STK3: variants seen among roughly 807,000 people sequenced by gnomAD.
The protein encoded by STK3 is serine/threonine kinase 3.
In STK3, 41 loss-of-function variants were observed where a neutral mutation model predicts 58.0. That is an observed-to-expected ratio of 0.71 (90% CI 0.55 to 0.92). The LOEUF is 0.92. Among genes scored for constraint, STK3 ranks in the 40% least tolerant of loss-of-function variants. The probability of loss-of-function intolerance (pLI) is 0.00; values close to 1 mark genes in which losing one functional copy is unlikely to be tolerated. For synonymous variants in STK3, 170 were observed against 191.0 expected (o/e 0.89, Z 0.91); for missense variants, 479 against 602.7 (o/e 0.79, Z 2.15).
At chr8:98,479,184 G>A (rs1001566586) in intron 10 of STK3, among the ~76,000 whole-genome samples, 2 of 152,108 alleles carry the variant, frequency 1.3e-5, no homozygotes, top group Non-Finnish European at 2.9e-5. Flanking sequence ...AAACTTGACA[G>A]GCAGTTAAAA....
chr8:98,939,918 G>T (rs1030071785), intron 1 of STK3, among the ~76,000 whole-genome samples: 1 of 152,212 alleles, frequency 6.6e-6, no homozygotes, highest in Admixed American at 6.5e-5. Flanking sequence ...CCTTCACTGC[G>T]ATGTCATCGG....
At chr8:98,730,715 C>CAAAAAAAA (rs36085293) in intron 4 of STK3, among the ~76,000 whole-genome samples, 25 of 66,382 alleles carry the variant, frequency 3.8e-4, no homozygotes, top group South Asian at 1.4e-3. Flanking sequence ...GACTCCGTCT[C>CAAAAAAAA]AAAAAAAAAA....
chr8:98,842,602 TGGG>T (rs1044602998), intron 3 of STK3, among the ~76,000 whole-genome samples: 16 of 152,286 alleles, frequency 1.1e-4, no homozygotes, highest in African/African-American at 3.4e-4. Flanking sequence ...CACTTGAGCC[TGGG>T]AGGTTGAGGC....
chr8:98,439,812 G>A (rs144812965), intron 1 of STK3, among the ~76,000 whole-genome samples: 1 of 152,328 alleles, frequency 6.6e-6, no homozygotes, highest in African/African-American at 2.4e-5. Flanking sequence ...TCAGCACAAT[G>A]AAGTCTGCAT....
chr8:98,632,709 ATTATT>A, intron 6 of STK3, among the ~76,000 whole-genome samples: 1 of 152,218 alleles, frequency 6.6e-6, no homozygotes, highest in African/African-American at 2.4e-5. Context: ...TATAAAATGA[ATTATT>A]TTAAATAATA....
chr8:98,584,362 T>C (rs1814269267), intron 7 of STK3, among the ~76,000 whole-genome samples: 1 of 151,892 alleles, frequency 6.6e-6, no homozygotes. Flanking sequence ...GGTTTTTTGT[T>C]CTTGCGATAG....
intron 1 of STK3, among the ~76,000 whole-genome samples, chr8:98,790,189 C>A (rs1469694042): frequency 6.6e-6 from 1 of 152,092 alleles, no homozygotes; most frequent in East Asian, 1.9e-4. Flanking sequence ...GCCAGTATCA[C>A]CCTAATACCA....
chr8:98,805,323 T>A (rs986745591), intron 1 of STK3, among the ~76,000 whole-genome samples: 1 of 152,172 alleles, frequency 6.6e-6, no homozygotes, highest in Admixed American at 6.5e-5. Context: ...CTCACGCCTG[T>A]AATCCCAGCA....
chr8:98,494,436 T>A (rs182768688), intron 10 of STK3, among the ~76,000 whole-genome samples: 2 of 152,276 alleles, frequency 1.3e-5, no homozygotes, highest in Admixed American at 1.3e-4. Context: ...AATGATCTTA[T>A]TGCATTATAA....
intron 3 of STK3, among the ~76,000 whole-genome samples, chr8:98,415,337 T>G (rs1479828302): frequency 6.6e-6 from 1 of 152,234 alleles, no homozygotes; most frequent in Non-Finnish European, 1.5e-5. Flanking sequence ...ACAGACTCTA[T>G]GTGAATAAGA....
intron 6 of STK3, among the ~76,000 whole-genome samples, chr8:98,622,626 T>C (rs1265926138): frequency 6.6e-6 from 1 of 152,218 alleles, no homozygotes; most frequent in Non-Finnish European, 1.5e-5. Flanking sequence ...TAGATTTCTG[T>C]AACTTGGCAG....
chr8:98,534,441 A>G lies in STK3; in HGVS notation c.1142-7524T>C, dbSNP rs1012920189. Among the ~76,000 whole-genome samples the G allele has an allele frequency of 7.9e-5, 12 of 152,362 alleles. No homozygotes were observed. In the East Asian group the frequency reaches 2.3e-3, roughly 29 times the overall value. On this transcript the variant is annotated intron_variant, in intron 9 of 10. Transcript: ENST00000419617. ...CATGAAAACAGCCAAAGCTGCCTTT[A>G]GATTTCCTGTCATAACAGACTTTAC...
At chr8:98,442,625 G>A (rs1269546209) in intron 1 of STK3, among the ~76,000 whole-genome samples, 2 of 152,164 alleles carry the variant, frequency 1.3e-5, no homozygotes, top group African/African-American at 2.4e-5. Flanking sequence ...TCAGTGTTGC[G>A]GCTTAGCAGC....
chr8:98,892,903 T>G (rs540216187), intron 1 of STK3, among the ~76,000 whole-genome samples: 4 of 152,264 alleles, frequency 2.6e-5, no homozygotes, highest in Non-Finnish European at 5.9e-5. Flanking sequence ...AATTCACACT[T>G]CAGTGTGATT....
intron 1 of STK3, among the ~76,000 whole-genome samples, chr8:98,799,656 A>G (rs1833390619): frequency 6.6e-6 from 1 of 152,036 alleles, no homozygotes; most frequent in Admixed American, 6.5e-5. Flanking sequence ...AGGAAATCAG[A>G]CCCTATCAGT....
chr8:98,484,679 T>C lies in STK3; in HGVS notation c.1318-28679A>G, dbSNP rs1436480921. Among the ~76,000 whole-genome samples, 3 of 152,114 alleles carry C rather than the reference T, an allele frequency of 2.0e-5. No individual in the cohort carries two copies. In the East Asian group the frequency reaches 5.8e-4, roughly 29 times the overall value. On this transcript the variant is annotated intron_variant, in intron 10 of 10. Coordinates refer to ENST00000419617, the MANE Select transcript of STK3 (RefSeq NM_006281.4). ...AAAAAGAAAAGAAAAAAAGTAAATA[T>C]AAAGAAAACACTGGAACTAGATTTT...
In STK3 at chr8:98,774,718, TTTCATAC is replaced by T. The variant is rs770172127; in HGVS notation, c.107+14_107+20del. ...AATTGTTCTGAAATTATTTACATGC[TTTCATAC>T]TTTTTGTACTTACCCTTCTCCAAGC... On this transcript the variant is annotated intron_variant, in intron 2 of 10. Coordinates refer to ENST00000419617, the MANE Select transcript of STK3 (RefSeq NM_006281.4). 1.1e-5 allele frequency: 17 copies of T among 1,512,170 alleles called. No homozygotes were observed. The South Asian group carries it at 2.2e-4, about 19-fold the overall frequency. 93.7% of individuals were successfully genotyped at this position (1,512,170 alleles called of 1,614,324 possible).
At chr8:98,893,486 G>GAGAGAGAA (rs1838312484) in intron 1 of STK3, among the ~76,000 whole-genome samples, 1 of 42,998 alleles carries the variant, frequency 2.3e-5, no homozygotes, top group Non-Finnish European at 4.3e-5. Context: ...AAGAAAGAAA[G>GAGAGAGAA]AGAAAGAAAG....
chr8:98,727,068 T>C (rs564292874), intron 4 of STK3, among the ~76,000 whole-genome samples: 1 of 152,330 alleles, frequency 6.6e-6, no homozygotes, highest in African/African-American at 2.4e-5. Flanking sequence ...GATTTCCCTC[T>C]AGGAAATCAC....
Sources: allele counts gnomAD v4.1 joint callset (sites outside exome capture counted in the v4.1 genomes callset), GRCh38; gene constraint gnomAD v4.1.1; transcripts MANE v1.5; gene names NCBI Gene and HGNC (gene_info 2026-07-23, HGNC 2026-07-21).